POLR2E: variants seen among roughly 807,000 people sequenced by gnomAD.
POLR2E encodes RNA polymerase II, I and III subunit E, also known as DNA-directed RNA polymerases I, II, and III subunit RPABC1.
A neutral mutation model predicts 29.8 loss-of-function variants in POLR2E; 35 were observed. That is an observed-to-expected ratio of 1.17 (90% CI 0.90 to 1.55). The LOEUF is 1.55. Among genes scored for constraint, POLR2E ranks in the 40% most tolerant of loss-of-function variants. The pLI, the probability that POLR2E is intolerant of heterozygous loss-of-function variation, is 0.00. For synonymous variants in POLR2E, 174 were observed against 112.6 expected (o/e 1.55, Z -3.45); for missense variants, 287 against 288.6 (o/e 0.99, Z 0.04).
chr19:1,090,267 C>G (rs1470915121), intron 4 of POLR2E, 122 bp from the exon 5 acceptor site: 8 of 842,412 alleles, frequency 9.5e-6, no homozygotes, highest in Non-Finnish European at 1.6e-5. Flanking sequence ...ACCCCGATCC[C>G]CGGCACTCAG....
chr19:1,095,370 C>T lies in POLR2E; in HGVS notation c.-55G>A. 6.2e-7 allele frequency: 1 copy of T among 1,604,730 alleles called. No individual in the cohort carries two copies. The highest frequency in any genetic ancestry group is 8.5e-7 in the Non-Finnish European group (1 of 1,173,316). On this transcript the variant is annotated 5_prime_UTR_variant, in exon 1 of 8. Coordinates refer to ENST00000615234, the MANE Select transcript of POLR2E (RefSeq NM_002695.5). The stretch of plus-strand genomic sequence containing the variant: ...CCCCTTCTCCGCGCGAGAACCCGCG[C>T]GGACTGCGCCTGCGCCGAATCCGAA...
chr19:1,090,008 G>T (rs780308784), intron 5 of POLR2E, 46 bp from the exon 6 acceptor site: 14 of 1,481,754 alleles, frequency 9.4e-6, no homozygotes, highest in African/African-American at 1.6e-5. Context: ...CGTTGGGGGG[G>T]CAGGGGTGTG....
Position 1,093,984 on chromosome 19 carries a change from C to G in POLR2E, c.152G>C (p.Gly51Ala). The change falls in exon 2 of 8, where the codon GGG (glycine) becomes GCG (alanine). Residue 51 changes from glycine to alanine, a missense_variant. Transcript: ENST00000615234. ...KAQSGDKPSE[G>A]RPRRTDLTVL... ...GGTGAGGTCCGTGCGCCGCGGCCGCCCCTCACTCGGCTTGTCCCCAGATTG... is the reference window on the plus strand; with the variant it reads ...GGTGAGGTCCGTGCGCCGCGGCCGCGCCTCACTCGGCTTGTCCCCAGATTG... The G allele has an allele frequency of 6.2e-7, 1 of 1,613,814 alleles. No homozygotes were observed. Among genetic ancestry groups the G allele is most frequent in the Non-Finnish European group, 8.5e-7 (1 of 1,179,926 alleles).
In POLR2E at chr19:1,095,340, T is replaced by C. The variant is rs1425905577; in HGVS notation, c.-25A>G. 1 of 1,612,016 alleles carries C rather than the reference T, an allele frequency of 6.2e-7. No individual in the cohort carries two copies. The highest frequency in any genetic ancestry group is 2.2e-5 in the East Asian group (1 of 44,838). ...TGGCAGCCTCCGCCGCCGCCGCCGC[T>C]CGCACCCCTTCTCCGCGCGAGAACC... On this transcript the variant is annotated 5_prime_UTR_variant, in exon 1 of 8. Transcript: ENST00000615234.
intron 1 of POLR2E, 182 bp from the exon 2 acceptor site, chr19:1,094,260 G>C: frequency 1.7e-6 from 1 of 580,680 alleles, no homozygotes; most frequent in Non-Finnish European, 3.0e-6. Flanking sequence ...CACAGGATGG[G>C]ACCAGTATGA....
chr19:1,090,445 G>A (rs1345538480), intron 4 of POLR2E, among the ~76,000 whole-genome samples: 4 of 149,318 alleles, frequency 2.7e-5, no homozygotes, highest in Non-Finnish European at 5.9e-5. Flanking sequence ...AGGCTGGGGT[G>A]GGCCCGGGAT....
At chr19:1,093,738 A>G (rs2074443) in intron 2 of POLR2E, 166 bp downstream of exon 2, 144,255 of 1,406,518 alleles carry the variant, frequency 0.1, 9,555 homozygotes, top group East Asian at 0.37. Context: ...GGGGTCAGAG[A>G]TCAACGGCAT....
rs2043790792 is a variant in POLR2E at position 1,089,884 on chromosome 19, C to T, written c.567G>A (p.Gln189=). Reference sequence around the variant, plus strand: ...GGCCCCTTCTCCCCACAGGGCTCACCTGCCCACGCTTTATCCCAAAGTAGC... The same window carrying T: ...GGCCCCTTCTCCCCACAGGGCTCACTTGCCCACGCTTTATCCCAAAGTAGC... ...VARYFGIKRG[Q]VVKIIRPSET... is the part of the protein sequence containing the mutation. The change falls in exon 6 of 8, where the codon CAG becomes CAA. Residue 189 remains glutamine, a splice_region_variant and synonymous_variant. Transcript: ENST00000615234. 6.8e-6 allele frequency: 11 copies of T among 1,610,816 alleles called. No homozygotes were observed. Among genetic ancestry groups the T allele is most frequent in the South Asian group, 1.1e-5 (1 of 90,986 alleles).
At chr19:1,091,104 T>C in intron 3 of POLR2E, 116 bp from the exon 4 acceptor site, 1 of 814,808 alleles carries the variant, frequency 1.2e-6, no homozygotes, top group South Asian at 1.6e-5. Flanking sequence ...ACCCACGTCG[T>C]GAATCAGAAA....
chr19:1,086,594 G>C lies in POLR2E; in HGVS notation c.*2141C>G, dbSNP rs1453343951. On this transcript the variant is annotated 3_prime_UTR_variant, in exon 8 of 8. Transcript: ENST00000615234. Reference sequence around the variant, plus strand: ...CACCGTGTGGTTCTTTCACAGGCACGTTTATTTTGCTGAAATAAAAAGTTT... The same window carrying C: ...CACCGTGTGGTTCTTTCACAGGCACCTTTATTTTGCTGAAATAAAAAGTTT... 1.3e-5 allele frequency: 2 copies of C among 152,032 alleles called. No homozygotes were observed. Among genetic ancestry groups the C allele is most frequent in the East Asian group, 3.8e-4 (2 of 5,330 alleles). The allele number at this position is 152,032 out of a possible 1,614,324, so 9.4% of individuals were successfully genotyped here. A position where few individuals can be genotyped will look rare whatever the true frequency, so the allele number is the denominator to read the frequency against.
Position 1,095,373 on chromosome 19 carries a change from A to ACTGCGC in POLR2E, c.-59_-58insGCGCAG. The ACTGCGC allele has an allele frequency of 6.2e-7, 1 of 1,604,158 alleles. No individual in the cohort carries two copies. Among genetic ancestry groups the ACTGCGC allele is most frequent in the Non-Finnish European group, 8.5e-7 (1 of 1,173,076 alleles). ...CTTCTCCGCGCGAGAACCCGCGCGG[A>ACTGCGC]CTGCGCCTGCGCCGAATCCGAATCA... On this transcript the variant is annotated 5_prime_UTR_variant, in exon 1 of 8. Transcript: ENST00000615234.
chr19:1,095,176 C>T, intron 1 of POLR2E, 83 bp downstream of exon 1: 1 of 1,402,194 alleles, frequency 7.1e-7, no homozygotes. Flanking sequence ...GACGAGAGTA[C>T]GAGGAGACGC....
intron 2 of POLR2E, chr19:1,093,638 G>C: frequency 1.2e-6 from 1 of 821,374 alleles, no homozygotes; most frequent in Non-Finnish European, 1.7e-6. Flanking sequence ...GGGGGGCTGG[G>C]GGTGAGTGGG....
Position 1,088,250 on chromosome 19 carries a change from C to T in POLR2E, c.*485G>A, listed in dbSNP as rs1428342969. The T allele has an allele frequency of 6.6e-6, 1 of 152,434 alleles. No homozygotes were observed. The highest frequency in any genetic ancestry group is 1.5e-5 in the Non-Finnish European group (1 of 68,070). The allele number at this position is 152,434 out of a possible 1,614,324, so 9.4% of individuals were successfully genotyped here. On this transcript the variant is annotated 3_prime_UTR_variant, in exon 8 of 8. Coordinates refer to ENST00000615234, the MANE Select transcript of POLR2E (RefSeq NM_002695.5). The stretch of plus-strand genomic sequence containing the variant: ...CCTACAACAACCGAGAACTCCAGAG[C>T]TGGCATCTCGCACCCTGGTGGCTTG...
At chr19:1,093,746 C>T (rs1443061620) in intron 2 of POLR2E, 158 bp downstream of exon 2, 1 of 1,411,162 alleles carries the variant, frequency 7.1e-7, no homozygotes, top group Non-Finnish European at 9.2e-7. Flanking sequence ...AGATCAACGG[C>T]ATCACCCACA....
In POLR2E at chr19:1,095,273, T is replaced by G. The variant is rs748732500; in HGVS notation, c.43A>C (p.Lys15Gln). 6.2e-7 allele frequency: 1 copy of G among 1,613,188 alleles called. No homozygotes were observed. Among genetic ancestry groups the G allele is most frequent in the Non-Finnish European group, 8.5e-7 (1 of 1,179,740 alleles). ...EETYRLWKIRKTIMQLCHDRG... is the reference protein window; with the variant it reads ...EETYRLWKIRQTIMQLCHDRG... ...GCGCGGCTCACCTGCATGATGGTCT[T>G]GCGGATTTTCCAGAGCCGGTACGTC... is the stretch of plus-strand genomic sequence containing the variant. Residue 15 changes from lysine (K) to glutamine (Q), a missense_variant, in exon 1 of 8, where the codon AAG becomes CAG. Transcript: ENST00000615234.
Position 1,089,964 on chromosome 19 carries a change from T to C in POLR2E, c.489-2A>G, listed in dbSNP as rs760318878. 1 of 1,584,962 alleles carries C rather than the reference T, an allele frequency of 6.3e-7. No individual in the cohort carries two copies. The highest frequency in any genetic ancestry group is 8.6e-7 in the Non-Finnish European group (1 of 1,165,862). ...GGCAGCTGGTTCTCTCGGAGCTTAC[T>C]GCGAAGCACCGTCAGGAAAATGCCA... On this transcript the variant is annotated splice_acceptor_variant, in intron 5 of 7. Transcript: ENST00000615234. LOFTEE classifies it high-confidence loss of function.
chr19:1,093,283 G>C lies in POLR2E; in HGVS notation c.232+621C>G, dbSNP rs1460826221. Among the ~76,000 whole-genome samples the C allele has an allele frequency of 5.9e-5, 9 of 152,360 alleles. 1 individual carries two copies. The South Asian group carries it at 6.2e-4, about 11-fold the overall frequency. ...CACCCCACTGATTAATTCTGGGCGTGGGGCTGCGCCCCTAAGGCGCTTGCA... is the reference window on the plus strand; with the variant it reads ...CACCCCACTGATTAATTCTGGGCGTCGGGCTGCGCCCCTAAGGCGCTTGCA... On this transcript the variant is annotated intron_variant, in intron 2 of 7. Coordinates refer to ENST00000615234, the MANE Select transcript of POLR2E (RefSeq NM_002695.5).
chr19:1,093,673 G>T, intron 2 of POLR2E: 1 of 1,221,726 alleles, frequency 8.2e-7, no homozygotes. Flanking sequence ...TCTCCTCGTT[G>T]GCAGGAAGAG....
Sources: allele counts gnomAD v4.1 joint callset (sites outside exome capture counted in the v4.1 genomes callset), GRCh38; gene constraint gnomAD v4.1.1; transcripts MANE v1.5; gene names NCBI Gene and HGNC (gene_info 2026-07-23, HGNC 2026-07-21).